SRGAP3: variants seen among roughly 807,000 people sequenced by gnomAD.
The protein encoded by SRGAP3 is SLIT-ROBO Rho GTPase activating protein 3, also known as SLIT-ROBO Rho GTPase-activating protein 3.
A neutral mutation model predicts 121.1 loss-of-function variants in SRGAP3; 39 were observed. The ratio of observed to expected loss-of-function variants is 0.32; its 90% CI spans 0.25 to 0.42. The LOEUF is 0.42. Ranked by LOEUF, SRGAP3 falls within the 10% of genes least tolerant of loss-of-function variation. SRGAP3 has a pLI of 1.00. For synonymous variants in SRGAP3, 601 were observed against 570.0 expected (o/e 1.05, Z -0.77); for missense variants, 1,213 against 1,470.6 (o/e 0.82, Z 2.86).
chr3:9,123,743 T>A (rs1474786569), intron 2 of SRGAP3, among the ~76,000 whole-genome samples: 2 of 149,618 alleles, frequency 1.3e-5, no homozygotes, highest in Non-Finnish European at 3.0e-5. Flanking sequence ...TGTGTGTGTG[T>A]GTGTGTGTGT....
chr3:9,028,209 C>T lies in SRGAP3; in HGVS notation c.1540-1214G>A, dbSNP rs557761121. ...CAGGAATAAGATCAGTTAGAGTAAGCAGATCCTTCAGAGTCCGTGAACGCC... is the reference window on the plus strand; with the variant it reads ...CAGGAATAAGATCAGTTAGAGTAAGTAGATCCTTCAGAGTCCGTGAACGCC... On this transcript the variant is annotated intron_variant, in intron 12 of 21. Transcript: ENST00000383836. 8 of 1,582,770 alleles carry T rather than the reference C, an allele frequency of 5.1e-6. No homozygotes were observed. In the African/African-American group the frequency reaches 1.1e-4, roughly 21 times the overall value.
chr3:9,039,721 G>C (rs1256004266), intron 10 of SRGAP3, among the ~76,000 whole-genome samples: 3 of 152,154 alleles, frequency 2.0e-5, no homozygotes, highest in Non-Finnish European at 4.4e-5. Flanking sequence ...ATTTTATATA[G>C]ATGGAATTAT....
chr3:9,349,279 A>T, intron 1 of SRGAP3: 1 of 476,856 alleles, frequency 2.1e-6, no homozygotes, highest in South Asian at 1.9e-5. Flanking sequence ...TGTCACACTG[A>T]CCACATCTGT....
At chr3:9,206,970 T>C (rs1012788920) in intron 1 of SRGAP3, among the ~76,000 whole-genome samples, 2 of 152,192 alleles carry the variant, frequency 1.3e-5, no homozygotes, top group African/African-American at 4.8e-5. Context: ...TGGCACATAG[T>C]AGATGCTCAG....
chr3:8,996,298 G>A (rs1396642210), intron 18 of SRGAP3, among the ~76,000 whole-genome samples: 1 of 152,146 alleles, frequency 6.6e-6, no homozygotes, highest in African/African-American at 2.4e-5. Context: ...AAATCAAAGA[G>A]CAGGAGGAGG....
chr3:9,079,017 T>C (rs1267796065), intron 4 of SRGAP3, among the ~76,000 whole-genome samples: 1 of 152,102 alleles, frequency 6.6e-6, no homozygotes, highest in Admixed American at 6.6e-5. Flanking sequence ...TCTCAGTGCC[T>C]CTGAGGAATT....
Position 9,015,597 on chromosome 3 carries a change from T to C in SRGAP3, c.1813A>G (p.Lys605Glu). 6 of 1,614,134 alleles carry C rather than the reference T, an allele frequency of 3.7e-6. No individual in the cohort carries two copies. The highest frequency in any genetic ancestry group is 5.1e-6 in the Non-Finnish European group (6 of 1,180,020). ...ATCATTTCACCTGGGAAATACTTACTAATAGTAGATATCAAATCTTGAAAC... is the reference window on the plus strand; with the variant it reads ...ATCATTTCACCTGGGAAATACTTACCAATAGTAGATATCAAATCTTGAAAC... ...ERFQDLISTIKLENPAERVHQ... is the reference protein window; with the variant it reads ...ERFQDLISTIELENPAERVHQ... The change falls in exon 15 of 22, where the codon AAA (lysine) becomes GAA (glutamate). Residue 605 changes from lysine (K) to glutamate (E), a missense_variant and splice_region_variant. Lys to Glu is a moderately conservative substitution (Grantham distance 56). Coordinates refer to ENST00000383836, the MANE Select transcript of SRGAP3 (RefSeq NM_014850.4).
At chr3:9,129,688 T>A (rs1949368321) in intron 1 of SRGAP3, among the ~76,000 whole-genome samples, 1 of 152,088 alleles carries the variant, frequency 6.6e-6, no homozygotes, top group Non-Finnish European at 1.5e-5. Context: ...CAAATGAAAT[T>A]TAAGCTCTGA....
In SRGAP3 at chr3:9,057,268, T is replaced by C. The variant is rs866684980; in HGVS notation, c.1024-934A>G. Among the ~76,000 whole-genome samples the C allele has an allele frequency of 1.2e-4, 18 of 152,318 alleles. 1 individual carries two copies. The stretch of plus-strand genomic sequence containing the variant: ...CAGTATTACCTGTGGGCTGGGCTGC[T>C]GGCAGGCATGTGCACCTCACCCCTT... On this transcript the variant is annotated intron_variant, in intron 7 of 21. Transcript: ENST00000383836.
At chr3:9,338,358 T>C (rs1473021447) in intron 1 of SRGAP3, among the ~76,000 whole-genome samples, 1 of 152,132 alleles carries the variant, frequency 6.6e-6, no homozygotes, top group Non-Finnish European at 1.5e-5. Flanking sequence ...AGGGGCAAAA[T>C]GTGATGTGTT....
chr3:9,317,671 G>T (rs1212098300), intron 3 of SRGAP3, among the ~76,000 whole-genome samples: 1 of 152,224 alleles, frequency 6.6e-6, no homozygotes, highest in African/African-American at 2.4e-5. Context: ...TAGAAGGGAG[G>T]TTCTCAAACT....
intron 3 of SRGAP3, among the ~76,000 whole-genome samples, chr3:9,086,163 A>G (rs531289488): frequency 9.5e-4 from 145 of 152,300 alleles, no homozygotes; most frequent in Non-Finnish European, 1.7e-3. Flanking sequence ...CCAATCTGCA[A>G]TATCTTATTT....
rs1946087284 is a variant in SRGAP3 at position 9,060,354 on chromosome 3, C to T, written c.678G>A (p.Gln226=). 1.2e-6 allele frequency: 2 copies of T among 1,613,864 alleles called. No individual in the cohort carries two copies. Among genetic ancestry groups the T allele is most frequent in the South Asian group, 1.1e-5 (1 of 91,068 alleles). The change falls in exon 6 of 22, where the codon CAG becomes CAA. Residue 226 remains glutamine (Q), a synonymous_variant. Coordinates refer to ENST00000383836, the MANE Select transcript of SRGAP3 (RefSeq NM_014850.4). ...TCAGCTTGTTCTCAGAGTACTTGGC[C>T]TGCCTCTGGAAGAAGAAAAGAGTAG... ...KKIEKMKEKR[Q]AKYSENKLKC...
chr3:8,990,413 C>T (rs1941965573), intron 21 of SRGAP3, 99 bp downstream of exon 21: 9 of 1,446,240 alleles, frequency 6.2e-6, no homozygotes, highest in South Asian at 6.2e-5. Flanking sequence ...TAGCCATGAG[C>T]CTGGCATAAA....
At chr3:9,135,670 G>A (rs1363240054) in intron 1 of SRGAP3, among the ~76,000 whole-genome samples, 1 of 152,248 alleles carries the variant, frequency 6.6e-6, no homozygotes, top group Non-Finnish European at 1.5e-5. Context: ...ATCTTGCAGG[G>A]TTGTTGCCAG....
At chr3:9,175,399 G>A (rs554602032) in intron 1 of SRGAP3, among the ~76,000 whole-genome samples, 57 of 152,268 alleles carry the variant, frequency 3.7e-4, no homozygotes, top group African/African-American at 1.3e-3. Context: ...CACAAGCCAG[G>A]GCCACAGAAA....
At chr3:9,358,044 T>A (rs1369060740) in intron 1 of SRGAP3, among the ~76,000 whole-genome samples, 3 of 152,104 alleles carry the variant, frequency 2.0e-5, no homozygotes, top group African/African-American at 7.2e-5. Flanking sequence ...CCAGCTAGTT[T>A]TTGTATTTTT....
intron 1 of SRGAP3, among the ~76,000 whole-genome samples, chr3:9,214,849 A>G (rs1019272638): frequency 6.6e-6 from 1 of 152,216 alleles, no homozygotes; most frequent in Non-Finnish European, 1.5e-5. Flanking sequence ...ATTGTAGGAA[A>G]CTAACCACAC....
At chr3:9,038,392 G>A (rs1944868251) in intron 10 of SRGAP3, among the ~76,000 whole-genome samples, 2 of 152,220 alleles carry the variant, frequency 1.3e-5, no homozygotes, top group African/African-American at 4.8e-5. Flanking sequence ...TGTTAAAGAT[G>A]CAGATTTCTT....
Sources: allele counts gnomAD v4.1 joint callset (sites outside exome capture counted in the v4.1 genomes callset), GRCh38; gene constraint gnomAD v4.1.1; transcripts MANE v1.5; gene names NCBI Gene and HGNC (gene_info 2026-07-23, HGNC 2026-07-21).